Variants in BTBD9 observed in about 807,000 individuals in gnomAD.
BTBD9 encodes BTB domain containing 9.
In BTBD9, 49 loss-of-function variants were observed where a neutral mutation model predicts 64.3. The observed-to-expected ratio is 0.76, with a 90% CI of 0.61 to 0.97. BTBD9 has a LOEUF of 0.97. Among genes scored for constraint, BTBD9 ranks in the 50% least tolerant of loss-of-function variants. The probability of loss-of-function intolerance (pLI) is 0.00; values close to 1 mark genes in which losing one functional copy is unlikely to be tolerated. For synonymous variants in BTBD9, 260 were observed against 274.7 expected (o/e 0.95, Z 0.53); for missense variants, 598 against 762.1 (o/e 0.78, Z 2.53).
intron 9 of BTBD9, among the ~76,000 whole-genome samples, chr6:38,245,572 G>A (rs746434685): frequency 2.6e-5 from 4 of 152,184 alleles, no homozygotes; most frequent in Non-Finnish European, 4.4e-5. Flanking sequence ...TCTAGGCCAC[G>A]CAAAGAATTC....
At chr6:38,624,742 T>A (rs1278759006) in intron 1 of BTBD9, among the ~76,000 whole-genome samples, 1 of 152,032 alleles carries the variant, frequency 6.6e-6, no homozygotes, top group Non-Finnish European at 1.5e-5. Context: ...AAATAATATT[T>A]ATCTCATAAA....
intron 1 of BTBD9, among the ~76,000 whole-genome samples, chr6:38,622,035 C>T (rs966262170): frequency 6.6e-6 from 1 of 152,194 alleles, no homozygotes; most frequent in Admixed American, 6.5e-5. Context: ...CGAAGCCAGC[C>T]AGTGGAAAAT....
intron 6 of BTBD9, among the ~76,000 whole-genome samples, chr6:38,525,107 C>T (rs191057411): frequency 1.5e-3 from 230 of 152,294 alleles, no homozygotes; most frequent in African/African-American, 5.0e-3. Context: ...GCTGTGTCCC[C>T]ACCCAAACCT....
At chr6:38,580,149 A>G in intron 5 of BTBD9, 69 bp downstream of exon 5, 1 of 1,438,540 alleles carries the variant, frequency 7.0e-7, no homozygotes, top group Non-Finnish European at 9.6e-7. Flanking sequence ...TGTAAAACAA[A>G]AGTAGATGAC....
rs137945663 is a variant in BTBD9 at position 38,347,366 on chromosome 6, A to G, written c.1155-2273T>C. Among the ~76,000 whole-genome samples, 243 of 152,342 alleles carry G rather than the reference A, an allele frequency of 1.6e-3. 1 individual carries two copies. Among genetic ancestry groups the G allele is most frequent in the Admixed American group, 3.4e-3 (52 of 15,310 alleles). On this transcript the variant is annotated intron_variant, in intron 6 of 10. Coordinates refer to ENST00000481247, the MANE Select transcript of BTBD9 (RefSeq NM_001099272.2). ...ATGAAGATAATGTTATCTCTGCTGC[A>G]TAATCCTGAAGTCAAATTAGCAATT...
At chr6:38,512,516 C>T (rs143714813) in intron 6 of BTBD9, among the ~76,000 whole-genome samples, 44 of 152,278 alleles carry the variant, frequency 2.9e-4, no homozygotes, top group Admixed American at 4.6e-4. Flanking sequence ...GCTTGCTGAC[C>T]GAGCTGAACT....
chr6:38,488,741 C>T (rs979863328), intron 6 of BTBD9, among the ~76,000 whole-genome samples: 5 of 151,938 alleles, frequency 3.3e-5, no homozygotes, highest in African/African-American at 7.3e-5. Flanking sequence ...TTTTATAATG[C>T]TTTTTTGAAT....
At chr6:38,533,774 T>C (rs1773897583) in intron 6 of BTBD9, among the ~76,000 whole-genome samples, 1 of 152,094 alleles carries the variant, frequency 6.6e-6, no homozygotes, top group Non-Finnish European at 1.5e-5. Context: ...TTAAACAATA[T>C]GCTCTGAATG....
intron 6 of BTBD9, among the ~76,000 whole-genome samples, chr6:38,420,930 A>G (rs2814898): frequency 0.49 from 74,350 of 152,062 alleles, 18,727 homozygotes; most frequent in Middle Eastern, 0.64. Context: ...ACTTTTAAAA[A>G]AACTATACAT....
chr6:38,245,060 G>A (rs921208042), intron 9 of BTBD9, among the ~76,000 whole-genome samples: 4 of 152,194 alleles, frequency 2.6e-5, no homozygotes, highest in Non-Finnish European at 4.4e-5. Flanking sequence ...TGGAGACAGA[G>A]CAATGGCACG....
chr6:38,217,068 G>A (rs1763029435), intron 9 of BTBD9, among the ~76,000 whole-genome samples: 1 of 151,734 alleles, frequency 6.6e-6, no homozygotes, highest in Non-Finnish European at 1.5e-5. Flanking sequence ...CAGCACTTTG[G>A]GAGGCCGAGG....
chr6:38,456,013 T>G (rs1350428606), intron 6 of BTBD9, among the ~76,000 whole-genome samples: 2 of 151,996 alleles, frequency 1.3e-5, no homozygotes, highest in Non-Finnish European at 2.9e-5. Context: ...AGACAGAGTC[T>G]TGCTCTGTAG....
rs192472576 is a variant in BTBD9 at position 38,583,774 on chromosome 6, C to G, written c.815-3337G>C. On this transcript the variant is annotated intron_variant, in intron 4 of 10. Coordinates refer to ENST00000481247, the MANE Select transcript of BTBD9 (RefSeq NM_001099272.2). ...TAACCATTCTTGATACAGACAGATT[C>G]ATTCCCTGAGAGTATTTTTCACTTC... Among the ~76,000 whole-genome samples the G allele has an allele frequency of 9.0e-4, 137 of 152,280 alleles. 1 individual carries two copies. The highest frequency in any genetic ancestry group is 3.0e-3 in the African/African-American group (124 of 41,556).
intron 6 of BTBD9, among the ~76,000 whole-genome samples, chr6:38,347,251 C>G (rs988414588): frequency 6.6e-6 from 1 of 151,976 alleles, no homozygotes; most frequent in African/African-American, 2.4e-5. Context: ...CATTTTATAC[C>G]CTTATGATAG....
intron 7 of BTBD9, among the ~76,000 whole-genome samples, chr6:38,329,408 C>T (rs1156608070): frequency 2.0e-5 from 3 of 151,240 alleles, no homozygotes; most frequent in African/African-American, 7.3e-5. Flanking sequence ...CCGCAACCTC[C>T]GCCTCCTGGT....
chr6:38,331,700 C>T (rs923673551), intron 7 of BTBD9, among the ~76,000 whole-genome samples: 1 of 151,824 alleles, frequency 6.6e-6, no homozygotes, highest in African/African-American at 2.4e-5. Context: ...GTCTCAACAA[C>T]AATAACAAAA....
intron 4 of BTBD9, chr6:38,588,535 C>T: frequency 2.7e-6 from 2 of 745,892 alleles, no homozygotes. Flanking sequence ...GATAACGAGG[C>T]TTATCTACAC....
intron 9 of BTBD9, among the ~76,000 whole-genome samples, chr6:38,213,688 T>TA (rs1028574163): frequency 2.6e-5 from 4 of 152,014 alleles, no homozygotes; most frequent in African/African-American, 9.7e-5. Flanking sequence ...TTAAAAAAAA[T>TA]AAAAAAATCA....
chr6:38,577,537 T>C, intron 6 of BTBD9, 63 bp downstream of exon 6: 1 of 1,501,392 alleles, frequency 6.7e-7, no homozygotes, highest in Non-Finnish European at 9.0e-7. Flanking sequence ...GCAGTTCTGC[T>C]TCTCCAAGTC....
Sources: gnomAD v4.1 joint callset for allele counts (sites outside exome capture counted in the v4.1 genomes callset) on GRCh38, gnomAD v4.1.1 for gene constraint, MANE v1.5 for transcripts, NCBI Gene and HGNC (gene_info 2026-07-23, HGNC 2026-07-21) for gene names.